Variants in TPRG1 observed in about 807,000 individuals in gnomAD.
TPRG1 encodes tumor protein p63 regulated 1, also known as tumor protein p63-regulated gene 1 protein.
In TPRG1, 29 loss-of-function variants were observed where a neutral mutation model predicts 29.3. The ratio of observed to expected loss-of-function variants is 0.99; its 90% CI spans 0.74 to 1.35. The LOEUF (loss-of-function observed/expected upper bound fraction) is 1.35. Among genes scored for constraint, TPRG1 ranks in the 40% most tolerant of loss-of-function variants. TPRG1 has a pLI of 0.00. For synonymous variants in TPRG1, 130 were observed against 116.8 expected (o/e 1.11, Z -0.73); for missense variants, 327 against 335.0 (o/e 0.98, Z 0.19).
intron 1 of TPRG1, among the ~76,000 whole-genome samples, chr3:189,112,297 C>T (rs1319909583): frequency 2.0e-5 from 3 of 152,096 alleles, no homozygotes; most frequent in Admixed American, 1.3e-4. Flanking sequence ...GGAGGTAATG[C>T]CAGCCTCATA....
chr3:189,024,909 A>G (rs1363660512), intron 4 of TPRG1, among the ~76,000 whole-genome samples: 1 of 152,214 alleles, frequency 6.6e-6, no homozygotes, highest in Non-Finnish European at 1.5e-5. Flanking sequence ...CAGAGCCCCC[A>G]GGGGCTTCGT....
intron 1 of TPRG1, among the ~76,000 whole-genome samples, chr3:189,191,149 T>G (rs114533641): frequency 2.0e-3 from 299 of 152,346 alleles, no homozygotes; most frequent in African/African-American, 6.4e-3. Flanking sequence ...TTTATTTTCA[T>G]ATGTGCACAT....
At chr3:189,201,199 C>T (rs992710008) in intron 1 of TPRG1, among the ~76,000 whole-genome samples, 2 of 152,188 alleles carry the variant, frequency 1.3e-5, no homozygotes, top group African/African-American at 4.8e-5. Context: ...GTTATAGCAG[C>T]TGCAATGGAC....
At chr3:189,088,848 C>T (rs1041380078) in intron 4 of TPRG1, among the ~76,000 whole-genome samples, 2 of 152,062 alleles carry the variant, frequency 1.3e-5, no homozygotes, top group Non-Finnish European at 2.9e-5. Flanking sequence ...ATATCTTTTT[C>T]GTACATCAAA....
At chr3:189,022,754 A>G (rs1055274352) in intron 3 of TPRG1, among the ~76,000 whole-genome samples, 6 of 152,084 alleles carry the variant, frequency 3.9e-5, no homozygotes, top group East Asian at 3.9e-4. Flanking sequence ...GGCAGGCTCC[A>G]CCCAGTTGGA....
chr3:189,124,508 T>C (rs1440333650), intron 1 of TPRG1, among the ~76,000 whole-genome samples: 4 of 151,640 alleles, frequency 2.6e-5, no homozygotes, highest in Non-Finnish European at 5.9e-5. Flanking sequence ...CACGTATACA[T>C]ATTATGACAT....
intron 3 of TPRG1, among the ~76,000 whole-genome samples, chr3:189,231,525 C>G (rs937936494): frequency 6.6e-6 from 1 of 152,058 alleles, no homozygotes; most frequent in African/African-American, 2.4e-5. Context: ...AATATTTGAA[C>G]ATTTTTGTGT....
intron 1 of TPRG1, among the ~76,000 whole-genome samples, chr3:189,119,755 AGTTTC>A (rs1215295599): frequency 4.6e-5 from 7 of 152,196 alleles, no homozygotes; most frequent in Non-Finnish European, 8.8e-5. Flanking sequence ...CATGGTCGTA[AGTTTC>A]CTGAGGCCTC....
intron 4 of TPRG1, among the ~76,000 whole-genome samples, chr3:189,260,644 T>G (rs1271079329): frequency 6.6e-6 from 1 of 152,184 alleles, no homozygotes; most frequent in African/African-American, 2.4e-5. Context: ...GCATCGCACA[T>G]GTATCTCTCC....
chr3:189,225,197 C>T (rs553996258), intron 3 of TPRG1, among the ~76,000 whole-genome samples: 31 of 152,314 alleles, frequency 2.0e-4, no homozygotes, highest in African/African-American at 7.5e-4. Context: ...TCCCAAAGTG[C>T]TGGGATTACA....
chr3:189,095,558 G>A (rs141475881), upstream of TPRG1, among the ~76,000 whole-genome samples: 613 of 152,170 alleles, frequency 4.0e-3, 3 homozygotes, highest in African/African-American at 0.013. Context: ...AATTACTCTC[G>A]TCTTCTCCAT....
intron 4 of TPRG1, among the ~76,000 whole-genome samples, chr3:189,251,359 G>A (rs6777323): frequency 0.17 from 26,559 of 152,092 alleles, 2,343 homozygotes; most frequent in East Asian, 0.25. Flanking sequence ...TGAAATGAAG[G>A]CAGATTCTCT....
At chr3:189,055,996 G>A (rs999642830) in intron 4 of TPRG1, among the ~76,000 whole-genome samples, 1 of 150,354 alleles carries the variant, frequency 6.7e-6, no homozygotes, top group Non-Finnish European at 1.5e-5. Flanking sequence ...CCTCTTGTAT[G>A]AGGATCTCTC....
At chr3:188,997,465 G>A (rs1346300212) in intron 1 of TPRG1, among the ~76,000 whole-genome samples, 2 of 152,084 alleles carry the variant, frequency 1.3e-5, no homozygotes, top group African/African-American at 4.8e-5. Flanking sequence ...GAAAGCTATA[G>A]GAAAATGTTT....
intron 4 of TPRG1, chr3:189,267,860 T>C (rs1255295018): frequency 6.6e-6 from 1 of 152,196 alleles, no homozygotes; most frequent in African/African-American, 2.4e-5. Context: ...TGTATGTGAA[T>C]GGTGAGTAAA....
At position 189,188,119 on chromosome 3, in the gene TPRG1, G is replaced by A. The variant is rs9816983; in HGVS notation, c.-10+15988G>A. Among the ~76,000 whole-genome samples the A allele has an allele frequency of 5.1e-3, 775 of 152,112 alleles. 5 individuals are homozygous for A. The highest frequency in any genetic ancestry group is 8.7e-3 in the Non-Finnish European group (590 of 67,950). ...AAAGAAATAAAAAGAAAAGATAATT[G>A]AAAAAAAGAAAAACTGTTCAGTGCA... On this transcript the variant is annotated intron_variant, in intron 1 of 5. Transcript: ENST00000345063.
At chr3:189,137,296 ATGTGTGTGTGTGTGTGTG>A (rs10525363) in intron 3 of TPRG1, among the ~76,000 whole-genome samples, 86 of 129,904 alleles carry the variant, frequency 6.6e-4, no homozygotes, top group African/African-American at 1.1e-3. Flanking sequence ...AAACCCCAAA[ATGTGTGTGTGTGTGTGTG>A]TGTGTGTGTG....
At chr3:189,103,476 A>G (rs1428775152) in intron 1 of TPRG1, among the ~76,000 whole-genome samples, 1 of 150,842 alleles carries the variant, frequency 6.6e-6, no homozygotes, top group African/African-American at 2.4e-5. Flanking sequence ...TCAGATACAT[A>G]CCCTAGGGGA....
intron 2 of TPRG1, among the ~76,000 whole-genome samples, chr3:189,130,314 G>C (rs1345151841): frequency 6.6e-6 from 1 of 152,142 alleles, no homozygotes; most frequent in Non-Finnish European, 1.5e-5. Flanking sequence ...ATTCCTTTCT[G>C]CCTGGGAGAG....
Sources: allele counts gnomAD v4.1 joint callset (sites outside exome capture counted in the v4.1 genomes callset), GRCh38; gene constraint gnomAD v4.1.1; transcripts MANE v1.5; gene names NCBI Gene and HGNC (gene_info 2026-07-23, HGNC 2026-07-21).